The following A1CF variants were observed in gnomAD, a reference collection of about 807,000 sequenced individuals.
A1CF encodes APOBEC-1 stimulating protein.
A1CF carries 48 observed loss-of-function variants against 68.9 expected under a neutral mutation model. The ratio of observed to expected loss-of-function variants is 0.70; its 90% confidence interval spans 0.55 to 0.89. The LOEUF (loss-of-function observed/expected upper bound fraction) is 0.89. Among genes scored for constraint, A1CF ranks in the 40% least tolerant of loss-of-function variants. The probability of loss-of-function intolerance (pLI) is 0.00; values close to 1 mark genes in which losing one functional copy is unlikely to be tolerated. For synonymous variants in A1CF, 272 were observed against 260.4 expected (o/e 1.04, Z -0.43); for missense variants, 653 against 718.9 (o/e 0.91, Z 1.05).
chr10:50,854,429 A>G (rs10994731), intron 3 of A1CF, among the ~76,000 whole-genome samples: 12,789 of 152,034 alleles, frequency 0.084, 754 homozygotes, highest in South Asian at 0.16. Flanking sequence ...GACCATTAAT[A>G]TTACATTGGA....
intron 1 of A1CF, among the ~76,000 whole-genome samples, chr10:50,879,715 C>T (rs1841684452): frequency 6.6e-6 from 1 of 152,182 alleles, no homozygotes; most frequent in South Asian, 2.1e-4. Context: ...CCCCATAATC[C>T]TATCACTTCT....
chr10:50,849,786 C>CTTTTTT (rs71949925), intron 3 of A1CF, among the ~76,000 whole-genome samples: 115 of 83,634 alleles, frequency 1.4e-3, no homozygotes, highest in Non-Finnish European at 1.6e-3. Context: ...TTAATGAATT[C>CTTTTTT]TTTTTTTTTT....
rs1837633614 is a variant in A1CF at position 50,802,346 on chromosome 10, T to C, written c.*4383A>G. On this transcript the variant is annotated 3_prime_UTR_variant, in exon 13 of 13. Coordinates refer to ENST00000373997, the MANE Select transcript of A1CF (RefSeq NM_014576.4). ...TGATTGACAATGGTTGCACGTCAGG[T>C]AGGAATATTTACTGCCTAGTTTCTT... 1 of 152,212 alleles carries C rather than the reference T, an allele frequency of 6.6e-6. No individual in the cohort carries two copies. Among genetic ancestry groups the C allele is most frequent in the Admixed American group, 6.5e-5 (1 of 15,280 alleles). 9.4% of individuals were successfully genotyped at this position (152,212 alleles called of 1,614,324 possible). A position where few individuals can be genotyped will look rare whatever the true frequency, so the allele number is the denominator to read the frequency against.
chr10:50,879,915 G>C (rs1841694658), intron 1 of A1CF, among the ~76,000 whole-genome samples: 1 of 152,132 alleles, frequency 6.6e-6, no homozygotes, highest in Non-Finnish European at 1.5e-5. Flanking sequence ...CATGAGTCTG[G>C]GCACAGCAAG....
intron 4 of A1CF, among the ~76,000 whole-genome samples, chr10:50,843,632 A>T (rs1209175874): frequency 1.3e-5 from 2 of 152,168 alleles, no homozygotes; most frequent in Non-Finnish European, 2.9e-5. Context: ...ACTTTATAAA[A>T]CTGTATTAAA....
chr10:50,872,498 C>T (rs1426614440), intron 1 of A1CF, among the ~76,000 whole-genome samples: 6 of 151,964 alleles, frequency 3.9e-5, no homozygotes, highest in Admixed American at 1.3e-4. Context: ...TTTCCAGTTT[C>T]CTCATCTTAA....
intron 2 of A1CF, among the ~76,000 whole-genome samples, chr10:50,863,197 A>C (rs1318680440): frequency 6.6e-6 from 1 of 152,206 alleles, no homozygotes; most frequent in Non-Finnish European, 1.5e-5. Context: ...CATGAGAAAC[A>C]CTTAATCTTT....
In A1CF at chr10:50,855,884, T is replaced by C. The variant is rs567834165; in HGVS notation, c.99+3958A>G. On this transcript the variant is annotated intron_variant, in intron 3 of 12. Transcript: ENST00000373997. Reference sequence around the variant, plus strand: ...TGCTGCTTGGATTGTATTAGGATGTTTCTTTATCTTAATTTTTGTACAAAA... The same window carrying C: ...TGCTGCTTGGATTGTATTAGGATGTCTCTTTATCTTAATTTTTGTACAAAA... Among the ~76,000 whole-genome samples the C allele has an allele frequency of 1.5e-3, 223 of 152,158 alleles. 2 individuals are homozygous for C. Among genetic ancestry groups the C allele is most frequent in the Non-Finnish European group, 2.4e-4 (16 of 67,926 alleles).
At chr10:50,830,896 A>T (rs1047445554) in intron 6 of A1CF, among the ~76,000 whole-genome samples, 1 of 152,226 alleles carries the variant, frequency 6.6e-6, no homozygotes, top group Non-Finnish European at 1.5e-5. Context: ...ATAGTATGAT[A>T]CTGGCATAAA....
In A1CF at chr10:50,859,770, C is replaced by A. The variant is rs1266427663; in HGVS notation, c.99+72G>T. The A allele has an allele frequency of 2.9e-6, 4 of 1,371,870 alleles. No individual in the cohort carries two copies. The African/African-American group carries it at 4.3e-5, about 15-fold the overall frequency. 85.0% of individuals were successfully genotyped at this position (1,371,870 alleles called of 1,614,324 possible). On this transcript the variant is annotated intron_variant, in intron 3 of 12. Transcript: ENST00000373997. The stretch of plus-strand genomic sequence containing the variant: ...GTAACTGACCATTCCCATTTTGCAT[C>A]TTAGGACCTCCAATATTCCCACCAC...
At position 50,802,419 on chromosome 10, in the gene A1CF, A is replaced by G. The variant is rs1837636033; in HGVS notation, c.*4310T>C. ...CAAAATCTTAAGTTATCCTATTAAC[A>G]TTTTCTTTTTAAAAATATTTATCCA... On this transcript the variant is annotated 3_prime_UTR_variant, in exon 13 of 13. Transcript: ENST00000373997. 6.6e-6 allele frequency: 1 copy of G among 152,174 alleles called. No individual in the cohort carries two copies. 9.4% of individuals were successfully genotyped at this position (152,174 alleles called of 1,614,324 possible).
intron 1 of A1CF, among the ~76,000 whole-genome samples, chr10:50,869,396 G>A (rs983987778): frequency 6.6e-6 from 1 of 151,970 alleles, no homozygotes; most frequent in Non-Finnish European, 1.5e-5. Context: ...TTTCTCATTG[G>A]TTATTCTCCT....
intron 5 of A1CF, among the ~76,000 whole-genome samples, chr10:50,837,921 T>C (rs1839584289): frequency 6.6e-6 from 1 of 152,198 alleles, no homozygotes; most frequent in Admixed American, 6.5e-5. Context: ...TGATTAAAAA[T>C]GTTTAGAAAA....
At chr10:50,831,783 AG>A (rs1283478777) in intron 6 of A1CF, among the ~76,000 whole-genome samples, 1 of 152,210 alleles carries the variant, frequency 6.6e-6, no homozygotes, top group Non-Finnish European at 1.5e-5. Flanking sequence ...TCTCAAAAGA[AG>A]AAATATAAAT....
intron 1 of A1CF, among the ~76,000 whole-genome samples, chr10:50,874,302 T>TG (rs1841405768): frequency 6.6e-6 from 1 of 152,088 alleles, no homozygotes; most frequent in African/African-American, 2.4e-5. Flanking sequence ...AAAATCTGTT[T>TG]AAAATTGTAT....
intron 3 of A1CF, among the ~76,000 whole-genome samples, chr10:50,845,026 T>C (rs1839935863): frequency 2.0e-5 from 3 of 152,334 alleles, no homozygotes; most frequent in South Asian, 4.1e-4. Context: ...CTGTGGGTCA[T>C]GATCACACAT....
chr10:50,843,107 T>C (rs1839851929), intron 4 of A1CF, among the ~76,000 whole-genome samples: 1 of 152,240 alleles, frequency 6.6e-6, no homozygotes, highest in South Asian at 2.1e-4. Context: ...TGGTCACTTC[T>C]CAGCTCAGCC....
At chr10:50,851,831 T>C (rs1320616565) in intron 3 of A1CF, among the ~76,000 whole-genome samples, 1 of 152,220 alleles carries the variant, frequency 6.6e-6, no homozygotes, top group Non-Finnish European at 1.5e-5. Context: ...GCTCAGCACT[T>C]CTTTAACAAT....
chr10:50,813,569 G>T lies in A1CF; in HGVS notation c.1323+288C>A, dbSNP rs374819407. Among the ~76,000 whole-genome samples, 6 of 152,272 alleles carry T rather than the reference G, an allele frequency of 3.9e-5. No homozygotes were observed. In the South Asian group the frequency reaches 8.3e-4, roughly 21 times the overall value. On this transcript the variant is annotated intron_variant, in intron 10 of 12. Coordinates refer to ENST00000373997, the MANE Select transcript of A1CF (RefSeq NM_014576.4). ...AGATGGGGTCTTTGCCTCATTTCGG[G>T]TATGGGTTGATAATTCTTAATAGCT...
Sources: gnomAD v4.1 joint callset for allele counts (sites outside exome capture counted in the v4.1 genomes callset) on GRCh38, gnomAD v4.1.1 for gene constraint, MANE v1.5 for transcripts, NCBI Gene and HGNC (gene_info 2026-07-23, HGNC 2026-07-21) for gene names.